STARD13: variants seen among roughly 807,000 people sequenced by gnomAD.
STARD13 encodes stAR-related lipid transfer protein 13.
In STARD13, 62 loss-of-function variants were observed where a neutral mutation model predicts 106.4. The observed-to-expected ratio is 0.58, with a 90% CI of 0.48 to 0.72. The LOEUF is 0.72. STARD13 is among the 30% of genes least tolerant of loss of function. The pLI is 0.00. For missense variants in STARD13, 1,387 were observed against 1,424.0 expected (o/e 0.97, Z 0.42); for synonymous variants, 565 against 553.0 (o/e 1.02, Z -0.31).
chr13:33,499,606 T>TTCCTC, the STARD13 span, among the ~76,000 whole-genome samples: 20 of 56,748 alleles, frequency 3.5e-4, no homozygotes, highest in Admixed American at 5.7e-4. Context: ...TCTTCTTCTT[T>TTCCTC]CTTCTTCTTC....
At chr13:33,419,025 G>C in the STARD13 span, among the ~76,000 whole-genome samples, 19 of 152,170 alleles carry the variant, frequency 1.2e-4, no homozygotes, top group Middle Eastern at 3.4e-3. Context: ...GAGCAGAAAA[G>C]CTGAAAATTC....
chr13:33,114,303 G>A (rs1279879310), intron 8 of STARD13, among the ~76,000 whole-genome samples: 1 of 152,146 alleles, frequency 6.6e-6, no homozygotes, highest in Non-Finnish European at 1.5e-5. Flanking sequence ...GTGGTCCTGG[G>A]GGGCTATCGA....
chr13:33,585,575 T>C, the STARD13 span, among the ~76,000 whole-genome samples: 1 of 152,126 alleles, frequency 6.6e-6, no homozygotes, highest in Non-Finnish European at 1.5e-5. Context: ...ATGCCTGTAG[T>C]CCCGGCTACT....
At chr13:33,422,644 C>G in the STARD13 span, among the ~76,000 whole-genome samples, 5 of 152,156 alleles carry the variant, frequency 3.3e-5, no homozygotes, top group East Asian at 9.6e-4. Flanking sequence ...CAAGACAATC[C>G]TAAGCCAAAA....
At chr13:33,254,477 C>A (rs1384393432) in intron 1 of STARD13, among the ~76,000 whole-genome samples, 1 of 152,136 alleles carries the variant, frequency 6.6e-6, no homozygotes, top group Non-Finnish European at 1.5e-5. Context: ...TTGATATGGG[C>A]AGGAGGCAGG....
intron 1 of STARD13, among the ~76,000 whole-genome samples, chr13:33,249,088 A>G (rs553495099): frequency 6.6e-6 from 1 of 152,358 alleles, no homozygotes; most frequent in African/African-American, 2.4e-5. Flanking sequence ...AATAGGTGAC[A>G]TGCTACATGA....
At chr13:33,329,752 G>A (rs2077816063) in intron 1 of STARD13, among the ~76,000 whole-genome samples, 2 of 145,236 alleles carry the variant, frequency 1.4e-5, no homozygotes, top group Middle Eastern at 3.3e-3. Context: ...CACGCAGGCT[G>A]TAGAGCAATG....
At chr13:33,674,786 TG>T in the STARD13 span, among the ~76,000 whole-genome samples, 1 of 152,226 alleles carries the variant, frequency 6.6e-6, no homozygotes, top group Non-Finnish European at 1.5e-5. Context: ...AACATATTTT[TG>T]TTTCCCCCCT....
chr13:33,310,051 G>T (rs187613132), intron 1 of STARD13, among the ~76,000 whole-genome samples: 1 of 152,308 alleles, frequency 6.6e-6, no homozygotes, highest in East Asian at 1.9e-4. Flanking sequence ...ATAATGACTT[G>T]CAAAGGCTTT....
chr13:33,116,150 A>G (rs1028754602), intron 8 of STARD13, among the ~76,000 whole-genome samples: 1 of 152,128 alleles, frequency 6.6e-6, no homozygotes, highest in Non-Finnish European at 1.5e-5. Flanking sequence ...GTCATTTTTC[A>G]GTGTCATTTG....
At chr13:33,185,737 T>C in intron 1 of STARD13, 1 of 746,372 alleles carries the variant, frequency 1.3e-6, no homozygotes, top group South Asian at 1.8e-5. Context: ...TTTGCCTCTC[T>C]GATTCCCAGC....
intron 3 of STARD13, chr13:33,164,382 C>T (rs1043436488): frequency 2.0e-5 from 3 of 152,176 alleles, no homozygotes; most frequent in African/African-American, 7.2e-5. Flanking sequence ...ATTACTTTCC[C>T]TTTAAACTAC....
chr13:33,662,138 T>TATA, the STARD13 span, among the ~76,000 whole-genome samples: 2 of 151,248 alleles, frequency 1.3e-5, no homozygotes, highest in South Asian at 4.2e-4. Context: ...GGTGGGCGCC[T>TATA]ATAATCCCAG....
chr13:33,319,763 G>C (rs951776449), intron 1 of STARD13, among the ~76,000 whole-genome samples: 2 of 152,126 alleles, frequency 1.3e-5, no homozygotes, highest in African/African-American at 4.8e-5. Flanking sequence ...TTATCTCTAA[G>C]GCACCTTTAG....
chr13:33,546,246 T>C, the STARD13 span, among the ~76,000 whole-genome samples: 44 of 152,326 alleles, frequency 2.9e-4, no homozygotes, highest in Admixed American at 1.1e-3. Context: ...GAACATAATA[T>C]GTAAATGGAT....
At chr13:33,644,796 C>A in the STARD13 span, among the ~76,000 whole-genome samples, 1 of 152,196 alleles carries the variant, frequency 6.6e-6, no homozygotes, top group Non-Finnish European at 1.5e-5. Flanking sequence ...CCACTCCCTC[C>A]CCTGGGAGTT....
At chr13:33,618,113 T>A in the STARD13 span, among the ~76,000 whole-genome samples, 2 of 152,220 alleles carry the variant, frequency 1.3e-5, no homozygotes, top group Admixed American at 6.5e-5. Context: ...AGCATTCTAG[T>A]TGTTAATCAA....
At chr13:33,238,408 GA>G (rs913324213) in intron 1 of STARD13, among the ~76,000 whole-genome samples, 1 of 152,088 alleles carries the variant, frequency 6.6e-6, no homozygotes, top group Non-Finnish European at 1.5e-5. Context: ...AAGATTTGGG[GA>G]AAATGAATAT....
chr13:33,357,546 C>T, the STARD13 span, among the ~76,000 whole-genome samples: 2 of 152,148 alleles, frequency 1.3e-5, no homozygotes, highest in Non-Finnish European at 2.9e-5. Flanking sequence ...CACATGAGGT[C>T]AGCAGCTACT....
Sources: allele counts gnomAD v4.1 joint callset (sites outside exome capture counted in the v4.1 genomes callset), GRCh38; gene constraint gnomAD v4.1.1; transcripts MANE v1.5; gene names NCBI Gene and HGNC (gene_info 2026-07-23, HGNC 2026-07-21).